PECR: variants seen among roughly 807,000 people sequenced by gnomAD.
PECR encodes the protein 2,4-dienoyl-CoA reductase-related protein.
In PECR, 30 loss-of-function variants were observed where a neutral mutation model predicts 35.3. The observed-to-expected ratio is 0.85, with a 90% CI of 0.64 to 1.15. The LOEUF is 1.15. Ranked by LOEUF, PECR falls within the 50% of genes most tolerant of loss-of-function variation. The pLI is 0.00. For missense variants in PECR, 392 were observed against 370.8 expected, an observed-to-expected ratio of 1.06 and a Z score of -0.47; for synonymous variants, 148 against 138.9, an observed-to-expected ratio of 1.07 and a Z score of -0.46.
At chr2:216,059,389 T>C (rs912944647) in intron 3 of PECR, among the ~76,000 whole-genome samples, 2 of 152,242 alleles carry the variant, frequency 1.3e-5, no homozygotes, top group Admixed American at 6.5e-5. Flanking sequence ...CTTAGAATCA[T>C]GTTTGTGAGG....
intron 7 of PECR, among the ~76,000 whole-genome samples, chr2:216,031,145 G>A (rs1479446540): frequency 2.6e-5 from 4 of 152,056 alleles, no homozygotes; most frequent in African/African-American, 7.2e-5. Flanking sequence ...GGTGGTTCAC[G>A]CCTATAATCC....
At chr2:216,049,439 T>C (rs543878418) in intron 5 of PECR, 66 bp from the exon 6 acceptor site, 1 of 724,454 alleles carries the variant, frequency 1.4e-6, no homozygotes. Flanking sequence ...TATAAAGATA[T>C]CAAGATACTC....
At chr2:216,045,905 C>T (rs959767336) in intron 6 of PECR, among the ~76,000 whole-genome samples, 1 of 152,164 alleles carries the variant, frequency 6.6e-6, no homozygotes, top group African/African-American at 2.4e-5. Flanking sequence ...CGGCCAGACG[C>T]GGTGGCTCAC....
chr2:216,075,311 G>GA (rs36038421), intron 1 of PECR, among the ~76,000 whole-genome samples: 2 of 151,130 alleles, frequency 1.3e-5, no homozygotes, highest in South Asian at 2.1e-4. Flanking sequence ...ATTTAAGTAG[G>GA]AAAAAAAACC....
At position 216,039,049 on chromosome 2, in the gene PECR, A is replaced by G. The variant is rs1394258921; in HGVS notation, c.*226T>C. 2.5e-6 allele frequency: 1 copy of G among 398,186 alleles called. No individual in the cohort carries two copies. Among genetic ancestry groups the G allele is most frequent in the Non-Finnish European group, 4.6e-6 (1 of 217,666 alleles). The allele number at this position is 398,186 out of a possible 1,614,324, so 24.7% of individuals were successfully genotyped here. On this transcript the variant is annotated 3_prime_UTR_variant, in exon 8 of 8. Coordinates refer to ENST00000265322, the MANE Select transcript of PECR (RefSeq NM_018441.6). ...AAATAAAAAGTAAAGTCATTAAAAT[A>G]TGTTAATTTCTGTTACTTATACATT...
In PECR at chr2:216,066,506, A is replaced by T; in HGVS notation, c.137T>A (p.Val46Asp). ...TCTCTCCAACTTACGGGATGCAATGACCACATTACTCCCTGAGGAGAAACA... is the reference window on the plus strand; with the variant it reads ...TCTCTCCAACTTACGGGATGCAATGTCCACATTACTCCCTGAGGAGAAACA... ...KELLELGSNV[V>D]IASRKLERLK... The change falls in exon 2 of 8, where the codon GTC (valine) becomes GAC (aspartate). Residue 46 changes from valine (V) to aspartate (D), a missense_variant. By Grantham distance (152) the Val-to-Asp change is radical. Transcript: ENST00000265322. The T allele has an allele frequency of 6.2e-7, 1 of 1,614,016 alleles. No individual in the cohort carries two copies. The highest frequency in any genetic ancestry group is 8.5e-7 in the Non-Finnish European group (1 of 1,179,900).
intron 1 of PECR, among the ~76,000 whole-genome samples, chr2:216,070,108 C>T (rs1201015281): frequency 1.3e-5 from 2 of 152,156 alleles, no homozygotes; most frequent in Non-Finnish European, 2.9e-5. Context: ...AAGCACTAAT[C>T]GAATGACTCG....
At chr2:216,046,079 G>A (rs1694982449) in intron 6 of PECR, among the ~76,000 whole-genome samples, 2 of 149,082 alleles carry the variant, frequency 1.3e-5, no homozygotes, top group South Asian at 4.2e-4. Flanking sequence ...TCAGGAGGCT[G>A]AGGCAGGAGA....
intron 4 of PECR, among the ~76,000 whole-genome samples, chr2:216,053,313 G>A (rs1252916223): frequency 4.0e-5 from 6 of 151,746 alleles, no homozygotes; most frequent in African/African-American, 9.7e-5. Context: ...GCATGATCTC[G>A]GCTCACTGCA....
intron 7 of PECR, among the ~76,000 whole-genome samples, chr2:216,041,988 C>T (rs1024422466): frequency 1.3e-5 from 2 of 152,170 alleles, no homozygotes; most frequent in Non-Finnish European, 2.9e-5. Flanking sequence ...ACCAGTAAAT[C>T]GAAGTGTTTT....
Position 216,039,138 on chromosome 2 carries a change from T to C in PECR, c.*137A>G, listed in dbSNP as rs1372651982. On this transcript the variant is annotated 3_prime_UTR_variant, in exon 8 of 8. Coordinates refer to ENST00000265322, the MANE Select transcript of PECR (RefSeq NM_018441.6). The stretch of plus-strand genomic sequence containing the variant: ...GACTGTATATATTTCAGGAATAGTT[T>C]TTCCATAGATATAATTAATAACACT... 1 of 651,680 alleles carries C rather than the reference T, an allele frequency of 1.5e-6. No homozygotes were observed. Among genetic ancestry groups the C allele is most frequent in the African/African-American group, 1.8e-5 (1 of 54,710 alleles). 40.4% of individuals were successfully genotyped at this position (651,680 alleles called of 1,614,324 possible).
At chr2:216,051,727 C>T (rs1695119651) in intron 4 of PECR, among the ~76,000 whole-genome samples, 182 bp from the exon 5 acceptor site, 2 of 152,132 alleles carry the variant, frequency 1.3e-5, no homozygotes, top group African/African-American at 4.8e-5. Flanking sequence ...AATATTAAAT[C>T]CAAGCCACAG....
intron 4 of PECR, among the ~76,000 whole-genome samples, chr2:216,051,784 C>T (rs898470994): frequency 6.6e-6 from 1 of 152,116 alleles, no homozygotes; most frequent in African/African-American, 2.4e-5. Context: ...GATAAGGCTC[C>T]CCAAATCACT....
At chr2:216,031,933 G>A (rs1027502619) in intron 7 of PECR, among the ~76,000 whole-genome samples, 1 of 152,088 alleles carries the variant, frequency 6.6e-6, no homozygotes, top group African/African-American at 2.4e-5. Flanking sequence ...CCGTATTTTT[G>A]TATTTCTTAA....
chr2:216,056,454 C>T (rs1481757354), intron 4 of PECR, among the ~76,000 whole-genome samples: 1 of 152,038 alleles, frequency 6.6e-6, no homozygotes, highest in Non-Finnish European at 1.5e-5. Context: ...GGTGTGGTGG[C>T]TCATGCCTGT....
chr2:216,038,012 G>A (rs1350825861), downstream of PECR, among the ~76,000 whole-genome samples: 2 of 128,740 alleles, frequency 1.6e-5, no homozygotes, highest in Non-Finnish European at 3.4e-5. Context: ...TTGAACCCAG[G>A]AGGTGGAGGT....
intron 7 of PECR, among the ~76,000 whole-genome samples, chr2:216,042,858 G>A (rs966592664): frequency 1.0e-4 from 15 of 147,656 alleles, no homozygotes; most frequent in South Asian, 2.2e-4. Flanking sequence ...CTGGGTTTAC[G>A]TGATTCTCCT....
At chr2:216,050,455 A>G (rs1268896301) in intron 5 of PECR, among the ~76,000 whole-genome samples, 1 of 152,222 alleles carries the variant, frequency 6.6e-6, no homozygotes, top group Non-Finnish European at 1.5e-5. Flanking sequence ...AAATTTGATC[A>G]TTTAACCAAA....
intron 1 of PECR, among the ~76,000 whole-genome samples, chr2:216,076,357 G>A (rs937089656): frequency 6.6e-6 from 1 of 151,942 alleles, no homozygotes; most frequent in African/African-American, 2.4e-5. Context: ...GCCACCACAT[G>A]TGCCACAATG....
Sources: gnomAD v4.1 joint callset for allele counts (sites outside exome capture counted in the v4.1 genomes callset) on GRCh38, gnomAD v4.1.1 for gene constraint, MANE v1.5 for transcripts, NCBI Gene and HGNC (gene_info 2026-07-23, HGNC 2026-07-21) for gene names.